ADCY9: variants seen among roughly 807,000 people sequenced by gnomAD.
ADCY9 encodes adenylate cyclase 9, also known as adenylate cyclase type 9.
In ADCY9, 50 loss-of-function variants were observed where a neutral mutation model predicts 101.5. That is an observed-to-expected ratio of 0.49 (90% CI 0.39 to 0.62). ADCY9 has a LOEUF of 0.62. Among genes scored for constraint, ADCY9 ranks in the 20% least tolerant of loss-of-function variants. The pLI, the probability that ADCY9 is intolerant of heterozygous loss-of-function variation, is 0.00. For missense variants in ADCY9, 1,662 were observed against 1,800.4 expected (o/e 0.92, Z 1.39); for synonymous variants, 905 against 769.3 (o/e 1.18, Z -2.92).
At position 4,115,111 on chromosome 16, in the gene ADCY9, T is replaced by G; in HGVS notation, c.332A>C (p.Gln111Pro). 1 of 1,613,894 alleles carries G rather than the reference T, an allele frequency of 6.2e-7. No homozygotes were observed. Among genetic ancestry groups the G allele is most frequent in the South Asian group, 1.1e-5 (1 of 91,082 alleles). The change falls in exon 2 of 11, where the codon CAG (glutamine) becomes CCG (proline). Residue 111 changes from glutamine (Q) to proline (P), a missense_variant. By Grantham distance (76) the Gln-to-Pro change is moderately conservative. Coordinates refer to ENST00000294016, the MANE Select transcript of ADCY9 (RefSeq NM_001116.4). The surrounding 1 kb of genome is among the most constrained non-coding windows in gnomAD (Gnocchi z 6.2). ...CGCATACCGGAACCGGCGCTGGGTC[T>G]GCGGGAAGCAGCGCTCCAGGCAGGC... Reference protein sequence around the residue: ...EEACLERCFPQTQRRFRYALF... With the variant: ...EEACLERCFPPTQRRFRYALF...
At chr16:4,105,581 G>A (rs1003341547) in intron 2 of ADCY9, among the ~76,000 whole-genome samples, 2 of 151,038 alleles carry the variant, frequency 1.3e-5, no homozygotes, top group African/African-American at 4.9e-5. Context: ...ACGGGAGACT[G>A]AGACACGAGA....
At chr16:4,032,358 G>T (rs1350259115) in intron 2 of ADCY9, among the ~76,000 whole-genome samples, 1 of 152,064 alleles carries the variant, frequency 6.6e-6, no homozygotes, top group Non-Finnish European at 1.5e-5. Context: ...GGAATGGCAA[G>T]ATCTGGCCCC....
chr16:4,043,985 T>A (rs1366166085), intron 2 of ADCY9, among the ~76,000 whole-genome samples: 2 of 152,188 alleles, frequency 1.3e-5, no homozygotes, highest in African/African-American at 4.8e-5. Context: ...AGACATTGAA[T>A]GCTAGTTTCT....
intron 2 of ADCY9, among the ~76,000 whole-genome samples, chr16:4,008,232 A>T (rs899834222): frequency 1.3e-5 from 2 of 149,876 alleles, no homozygotes; most frequent in Non-Finnish European, 3.0e-5. Flanking sequence ...GGTCAAAAGG[A>T]CACTTGACCT....
At chr16:3,988,932 A>G in intron 6 of ADCY9, 62 bp downstream of exon 6, 1 of 1,304,648 alleles carries the variant, frequency 7.7e-7, no homozygotes, top group African/African-American at 1.5e-5. Context: ...ACTAACAGTG[A>G]ATGACCATGT....
At chr16:4,012,751 A>AGTGTC (rs2056412656) in intron 2 of ADCY9, among the ~76,000 whole-genome samples, 2 of 152,194 alleles carry the variant, frequency 1.3e-5, no homozygotes, top group Non-Finnish European at 2.9e-5. Flanking sequence ...CTTCTTTGAA[A>AGTGTC]ACTAAAACTG....
chr16:4,036,732 G>T (rs1023590800), intron 2 of ADCY9, among the ~76,000 whole-genome samples: 4 of 152,082 alleles, frequency 2.6e-5, no homozygotes, highest in African/African-American at 9.7e-5. Flanking sequence ...AAAGTGCTGG[G>T]ATTATAGGCG....
At chr16:4,085,337 G>A (rs1400252749) in intron 2 of ADCY9, among the ~76,000 whole-genome samples, 1 of 152,130 alleles carries the variant, frequency 6.6e-6, no homozygotes, top group South Asian at 2.1e-4. Context: ...ACTCCAGCCT[G>A]GGCGACAGAG....
intron 2 of ADCY9, among the ~76,000 whole-genome samples, chr16:4,101,596 A>C (rs55897180): frequency 0.31 from 47,547 of 152,060 alleles, 8,009 homozygotes; most frequent in South Asian, 0.44. Flanking sequence ...TTATTTGATC[A>C]CTGTCTACTT....
chr16:4,078,443 G>C (rs1301819306), intron 2 of ADCY9, among the ~76,000 whole-genome samples: 3 of 151,676 alleles, frequency 2.0e-5, no homozygotes, highest in African/African-American at 7.3e-5. Flanking sequence ...TACACCTGTA[G>C]TCCCAGCTAC....
At chr16:4,101,202 T>G (rs904856024) in intron 2 of ADCY9, among the ~76,000 whole-genome samples, 11 of 152,168 alleles carry the variant, frequency 7.2e-5, no homozygotes, top group Admixed American at 1.3e-4. Context: ...TGCTTCAGTC[T>G]TCTCATCTAT....
chr16:4,009,952 T>C (rs1324062875), intron 2 of ADCY9, among the ~76,000 whole-genome samples: 2 of 151,958 alleles, frequency 1.3e-5, no homozygotes, highest in East Asian at 3.9e-4. Flanking sequence ...GGTGGCAGGG[T>C]GGTGACAGGA....
chr16:3,978,168 G>A (rs2141683877), intron 8 of ADCY9, among the ~76,000 whole-genome samples: 1 of 152,308 alleles, frequency 6.6e-6, no homozygotes, highest in East Asian at 1.9e-4. Context: ...TGTTCACATG[G>A]CATCACACTC....
chr16:4,054,931 C>T (rs181535116), intron 2 of ADCY9, among the ~76,000 whole-genome samples: 9 of 152,138 alleles, frequency 5.9e-5, no homozygotes, highest in African/African-American at 1.7e-4. Flanking sequence ...CAACACCACT[C>T]GAGATTTTAG....
At chr16:4,090,528 C>G (rs1030927717) in intron 2 of ADCY9, among the ~76,000 whole-genome samples, 3 of 151,988 alleles carry the variant, frequency 2.0e-5, no homozygotes, top group Non-Finnish European at 2.9e-5. Flanking sequence ...CACTGCTGGC[C>G]GTGGAAACCG....
At chr16:4,049,301 G>T (rs1003082949) in intron 2 of ADCY9, among the ~76,000 whole-genome samples, 1 of 152,230 alleles carries the variant, frequency 6.6e-6, no homozygotes, top group Non-Finnish European at 1.5e-5. Flanking sequence ...GCTGCTGAAG[G>T]CTTCGTCTCT....
chr16:3,963,525 G>A lies in ADCY9; in HGVS notation c.*2250C>T, dbSNP rs2055959151. ...TTTGAAAGACAACGTTAAGCTCTGG[G>A]TGAGTCTGCACGGGGCTGAACCAGA... On this transcript the variant is annotated 3_prime_UTR_variant, in exon 11 of 11. Transcript: ENST00000294016. 10 of 386,540 alleles carry A rather than the reference G, an allele frequency of 2.6e-5. 1 individual carries two copies. The highest frequency in any genetic ancestry group is 6.5e-4 in the Middle Eastern group (1 of 1,534). 23.9% of individuals were successfully genotyped at this position (386,540 alleles called of 1,614,324 possible).
chr16:4,004,742 G>A lies in ADCY9; in HGVS notation c.1884+2626C>T, dbSNP rs185207297. Reference sequence around the variant, plus strand: ...TTAAGATCGTGTATGTTACAGCCAAGTGGGACAGACTGAAGGGACTGAGAA... The same window carrying A: ...TTAAGATCGTGTATGTTACAGCCAAATGGGACAGACTGAAGGGACTGAGAA... On this transcript the variant is annotated intron_variant, in intron 3 of 10. Transcript: ENST00000294016. 3.6e-3 allele frequency among the ~76,000 whole-genome samples: 555 copies of A among 152,354 alleles called. 3 individuals carry two copies. The highest frequency in any genetic ancestry group is 0.013 in the African/African-American group (524 of 41,590).
chr16:4,098,908 T>A (rs974284810), intron 2 of ADCY9, among the ~76,000 whole-genome samples: 3 of 151,694 alleles, frequency 2.0e-5, no homozygotes, highest in Non-Finnish European at 4.4e-5. Flanking sequence ...GATTTTTTTT[T>A]ATTGTTTTGG....
Sources: allele counts gnomAD v4.1 joint callset (sites outside exome capture counted in the v4.1 genomes callset), GRCh38; gene constraint gnomAD v4.1.1; non-coding constraint Gnocchi (gnomAD v3.1); transcripts MANE v1.5; gene names NCBI Gene and HGNC (gene_info 2026-07-23, HGNC 2026-07-21).